Variants in CDH23 observed in about 807,000 individuals in gnomAD.
CDH23 encodes cadherin-23.
In CDH23, 189 loss-of-function variants were observed where a neutral mutation model predicts 317.1. The ratio of observed to expected loss-of-function variants is 0.60; its 90% confidence interval spans 0.53 to 0.67. CDH23 has a LOEUF of 0.67. Among genes scored for constraint, CDH23 ranks in the 30% least tolerant of loss-of-function variants. CDH23 has a pLI of 0.00. For synonymous variants in CDH23, 1,839 were observed against 1,876.8 expected, an observed-to-expected ratio of 0.98 and a Z score of 0.52; for missense variants, 4,401 against 4,592.4, an observed-to-expected ratio of 0.96 and a Z score of 1.20.
At chr10:71,490,520 G>T (rs1852594762) in intron 3 of CDH23, among the ~76,000 whole-genome samples, 1 of 152,190 alleles carries the variant, frequency 6.6e-6, no homozygotes, top group African/African-American at 2.4e-5. Context: ...TGATAAAATG[G>T]GAGATCGTCA....
chr10:71,730,542 T>C lies in CDH23; in HGVS notation c.3653T>C (p.Leu1218Pro). The change falls in exon 31 of 70, where the codon CTT becomes CCT. Residue 1218 changes from leucine to proline, a missense_variant. Around this residue, in one of 3 missense-constraint regions of CDH23, gnomAD observed 3,068 missense variants for 3,203.3 expected, o/e 0.96. Coordinates refer to ENST00000224721, the MANE Select transcript of CDH23 (RefSeq NM_022124.6). ...CAGCAGCAGTACAGCCGTCTGGGGC[T>C]TCGAGAGACCGCAGGCATTGGAACG... ...FTQQQYSRLGLRETAGIGTSV... is the reference protein window; with the variant it reads ...FTQQQYSRLGPRETAGIGTSV... 1.2e-6 allele frequency: 2 copies of C among 1,613,936 alleles called. No individual in the cohort carries two copies. The highest frequency in any genetic ancestry group is 1.7e-6 in the Non-Finnish European group (2 of 1,179,876).
chr10:71,438,347 C>CAAAAAAAAAAAAAAAAAAGAAAAAAAA (rs1849716780), intron 1 of CDH23, among the ~76,000 whole-genome samples: 12 of 98,348 alleles, frequency 1.2e-4, no homozygotes, highest in South Asian at 3.2e-4. Context: ...CTGTCTCAAA[C>CAAAAAAAAAAAAAAAAAAGAAAAAAAA]AAAAAAAAAA....
At chr10:71,640,952 T>G (rs1238123821) in intron 11 of CDH23, among the ~76,000 whole-genome samples, 1 of 152,192 alleles carries the variant, frequency 6.6e-6, no homozygotes, top group Admixed American at 6.5e-5. Context: ...CACTTTGGAA[T>G]GAATAACTGG....
intron 9 of CDH23, among the ~76,000 whole-genome samples, chr10:71,608,796 C>T (rs975386589): frequency 1.3e-5 from 2 of 152,186 alleles, no homozygotes; most frequent in Admixed American, 6.5e-5. Flanking sequence ...AGCCTCCAGG[C>T]GAGAGATGCG....
intron 6 of CDH23, among the ~76,000 whole-genome samples, chr10:71,532,718 T>TG (rs1855459789): frequency 2.4e-5 from 1 of 42,272 alleles, no homozygotes; most frequent in Non-Finnish European, 4.4e-5. Context: ...TTTGTTTTTT[T>TG]TTTTTTTTGT....
chr10:71,773,570 C>T (rs1473037316), intron 38 of CDH23: 3 of 760,562 alleles, frequency 3.9e-6, no homozygotes, highest in East Asian at 3.4e-5. Context: ...GTGCTCCAGG[C>T]ACCCGCCCCC....
intron 38 of CDH23, chr10:71,762,169 T>C: frequency 1.0e-6 from 1 of 1,003,084 alleles, no homozygotes; most frequent in Non-Finnish European, 1.4e-6. Context: ...GACTGCCTTC[T>C]GCATTTGTTC....
intron 3 of CDH23, among the ~76,000 whole-genome samples, chr10:71,505,956 C>T (rs1260410369): frequency 1.3e-5 from 2 of 152,102 alleles, no homozygotes; most frequent in Non-Finnish European, 2.9e-5. Context: ...GCATTATTTC[C>T]AATAGTCAAC....
chr10:71,414,475 A>G (rs1346965691), intron 1 of CDH23, among the ~76,000 whole-genome samples: 32 of 152,222 alleles, frequency 2.1e-4, no homozygotes. Context: ...TGATTTTCAA[A>G]AGTTAACCAA....
At chr10:71,623,079 T>A (rs1380263295) in intron 11 of CDH23, 2 of 364,308 alleles carry the variant, frequency 5.5e-6, no homozygotes, top group African/African-American at 4.4e-5. Context: ...GAGCTGAAGA[T>A]GTAGCCTCTG....
chr10:71,779,832 C>T (rs922191506), intron 41 of CDH23, among the ~76,000 whole-genome samples: 14 of 152,236 alleles, frequency 9.2e-5, no homozygotes, highest in Admixed American at 6.5e-5. Context: ...ACCAAGGGAG[C>T]GCCTGGCTTG....
In CDH23 at chr10:71,807,742, C is replaced by T. The variant is rs1210006476; in HGVS notation, c.8535C>T (p.Arg2845=). Residue 2845 remains arginine (R), a synonymous_variant, in exon 59 of 70, where the codon CGC becomes CGT. Coordinates refer to ENST00000224721, the MANE Select transcript of CDH23 (RefSeq NM_022124.6). ...AGGACATCAACGACCAGCCACCACG[C>T]TTCACCAAGGCTGAGTACACTGCAG... is the stretch of plus-strand genomic sequence containing the variant. ...VLEDINDQPP[R]FTKAEYTAGV... is the part of the protein sequence containing the mutation. 7.5e-6 allele frequency: 12 copies of T among 1,606,652 alleles called. No individual in the cohort carries two copies. Among genetic ancestry groups the T allele is most frequent in the Non-Finnish European group, 1.0e-5 (12 of 1,176,512 alleles).
chr10:71,486,246 A>T (rs546765712), intron 3 of CDH23, among the ~76,000 whole-genome samples: 2 of 152,090 alleles, frequency 1.3e-5, no homozygotes, highest in South Asian at 4.2e-4. Flanking sequence ...GCATCTAGGG[A>T]TGTTTTGATG....
chr10:71,512,241 C>T (rs1854033423), intron 6 of CDH23: 1 of 152,236 alleles, frequency 6.6e-6, no homozygotes, highest in Non-Finnish European at 1.5e-5. Context: ...ATACACCCCA[C>T]TCCCTGGCCT....
intron 28 of CDH23, chr10:71,716,189 G>A (rs1866223343): frequency 1.3e-6 from 2 of 1,551,156 alleles, no homozygotes; most frequent in Non-Finnish European, 8.7e-7. Flanking sequence ...CAGACAGGTG[G>A]CCAGCAGGAG....
chr10:71,636,758 T>C (rs970668319), intron 11 of CDH23, among the ~76,000 whole-genome samples: 6 of 152,130 alleles, frequency 3.9e-5, no homozygotes, highest in Non-Finnish European at 8.8e-5. Flanking sequence ...GAGGGTGACG[T>C]CCTTCACCTT....
At chr10:71,577,325 G>T (rs565874751) in intron 8 of CDH23, among the ~76,000 whole-genome samples, 1 of 152,014 alleles carries the variant, frequency 6.6e-6, no homozygotes, top group Non-Finnish European at 1.5e-5. Context: ...AGCAGGAATT[G>T]CCAGGCACAG....
rs1554855595 is a variant in CDH23, at chr10:71,688,911, C to CCAGGGGTGGTGGAGT, written c.2059+1206_2059+1207insTCAGGGGTGGTGGAG. On this transcript the variant is annotated intron_variant, in intron 19 of 69. Transcript: ENST00000224721. Reference sequence around the variant, plus strand: ...GGTGGTGGAGCCAGGGATGGTGGAGCCAGGGGTGGTGGAGCCAGGGGTGGT... The same window carrying CCAGGGGTGGTGGAGT: ...GGTGGTGGAGCCAGGGATGGTGGAGCCAGGGGTGGTGGAGTCAGGGGTGGTGGAGCCAGGGGTGGT... Among the ~76,000 whole-genome samples the CCAGGGGTGGTGGAGT allele has an allele frequency of 1.8e-4, 3 of 17,000 alleles. 1 individual carries two copies. Among genetic ancestry groups the CCAGGGGTGGTGGAGT allele is most frequent in the Non-Finnish European group, 2.3e-4 (2 of 8,756 alleles). The allele number at this position is 17,000 out of a possible 152,430, so 11.2% of individuals were successfully genotyped here.
intron 3 of CDH23, among the ~76,000 whole-genome samples, chr10:71,503,025 A>T (rs1853424067): frequency 6.6e-6 from 1 of 152,200 alleles, no homozygotes; most frequent in South Asian, 2.1e-4. Flanking sequence ...TAACAACAAT[A>T]AGAGTAATAA....
Sources: gnomAD v4.1 joint callset for allele counts (sites outside exome capture counted in the v4.1 genomes callset) on GRCh38, gnomAD v4.1.1 for gene constraint, gnomAD v4.1.1 regional missense constraint, MANE v1.5 for transcripts, NCBI Gene and HGNC (gene_info 2026-07-23, HGNC 2026-07-21) for gene names.